The following FARS2 variants were observed in gnomAD, a reference collection of about 807,000 sequenced individuals.
FARS2 encodes phenylalanine--tRNA ligase, mitochondrial.
In FARS2, 40 loss-of-function variants were observed where a neutral mutation model predicts 46.4. The observed-to-expected ratio is 0.86, with a 90% CI of 0.67 to 1.12. The LOEUF (loss-of-function observed/expected upper bound fraction) is 1.12. Ranked by LOEUF, FARS2 falls within the 50% of genes most tolerant of loss-of-function variation. The probability of loss-of-function intolerance (pLI) is 0.00; values close to 1 mark genes in which losing one functional copy is unlikely to be tolerated. For missense variants in FARS2, 513 were observed against 567.9 expected, an observed-to-expected ratio of 0.90 and a Z score of 0.98; for synonymous variants, 234 against 214.9, an observed-to-expected ratio of 1.09 and a Z score of -0.78.
intron 1 of FARS2, among the ~76,000 whole-genome samples, chr6:5,275,660 C>G (rs1031456409): frequency 2.6e-5 from 4 of 152,084 alleles, no homozygotes; most frequent in African/African-American, 9.7e-5. Flanking sequence ...ATGAAGTGTT[C>G]AGCCACAGCA....
upstream of FARS2, among the ~76,000 whole-genome samples, chr6:5,259,101 C>G (rs1288330663): frequency 6.6e-6 from 1 of 152,180 alleles, no homozygotes; most frequent in African/African-American, 2.4e-5. Context: ...TCTTCGAGGG[C>G]TCCACCTTGA....
chr6:5,288,680 G>A (rs1767297681), intron 1 of FARS2, among the ~76,000 whole-genome samples: 1 of 152,124 alleles, frequency 6.6e-6, no homozygotes, highest in South Asian at 2.1e-4. Context: ...TGCGGACTGG[G>A]GACAAAATCC....
At chr6:5,345,582 T>C (rs1757177868) in intron 1 of FARS2, among the ~76,000 whole-genome samples, 2 of 152,236 alleles carry the variant, frequency 1.3e-5, no homozygotes, top group Admixed American at 1.3e-4. Context: ...CTGTTCAGAA[T>C]AGAACGGAGA....
chr6:5,385,390 G>A (rs4295527), intron 2 of FARS2, among the ~76,000 whole-genome samples: 60,170 of 151,662 alleles, frequency 0.4, 12,454 homozygotes, highest in East Asian at 0.55. Context: ...ATTTGGGGGA[G>A]ATGAAGGCTT....
chr6:5,680,196 G>A (rs901290540), intron 6 of FARS2, among the ~76,000 whole-genome samples: 5 of 152,208 alleles, frequency 3.3e-5, no homozygotes. Flanking sequence ...GCACTTGTGT[G>A]TGCTTGGACG....
chr6:5,455,259 C>T (rs1764777123), intron 4 of FARS2, among the ~76,000 whole-genome samples: 1 of 152,120 alleles, frequency 6.6e-6, no homozygotes, highest in Non-Finnish European at 1.5e-5. Flanking sequence ...TCCAAAAAGC[C>T]CCTCCAAAGA....
At chr6:5,432,792 C>A (rs1206817142) in intron 4 of FARS2, among the ~76,000 whole-genome samples, 1 of 151,886 alleles carries the variant, frequency 6.6e-6, no homozygotes, top group Non-Finnish European at 1.5e-5. Context: ...TGTGAATAGA[C>A]CATGGGTAAG....
At chr6:5,717,493 G>A (rs920387520) in intron 6 of FARS2, among the ~76,000 whole-genome samples, 15 of 151,904 alleles carry the variant, frequency 9.9e-5, no homozygotes. Context: ...AATTTTGCCA[G>A]TTGTATCCCC....
Position 5,345,054 on chromosome 6 carries a change from A to T in FARS2, c.-21-23496A>T, listed in dbSNP as rs781148527. On this transcript the variant is annotated intron_variant, in intron 1 of 6. Coordinates refer to ENST00000274680, the MANE Select transcript of FARS2 (RefSeq NM_006567.5). The stretch of plus-strand genomic sequence containing the variant: ...TGATCTGCCCACATTGGCCTCCCAA[A>T]GTGCTGGGATTACAGGCATGAGCCA... Among the ~76,000 whole-genome samples the T allele has an allele frequency of 3.0e-4, 45 of 151,912 alleles. 1 individual carries two copies. The highest frequency in any genetic ancestry group is 1.8e-4 in the Non-Finnish European group (12 of 67,964).
chr6:5,635,384 C>T (rs1426300644), intron 6 of FARS2, among the ~76,000 whole-genome samples: 1 of 152,032 alleles, frequency 6.6e-6, no homozygotes, highest in African/African-American at 2.4e-5. Context: ...AATAAAATTA[C>T]TTTCTTAAGG....
At chr6:5,475,309 G>A (rs1766058857) in intron 4 of FARS2, among the ~76,000 whole-genome samples, 1 of 152,194 alleles carries the variant, frequency 6.6e-6, no homozygotes, top group African/African-American at 2.4e-5. Context: ...GTGCAAGAAT[G>A]TGGGCGTAGT....
chr6:5,277,231 GATTA>G (rs1385378350), intron 1 of FARS2, among the ~76,000 whole-genome samples: 3 of 150,588 alleles, frequency 2.0e-5, no homozygotes, highest in Non-Finnish European at 3.0e-5. Flanking sequence ...TCTTTTCCCA[GATTA>G]ATTGTTACTT....
At position 5,575,188 on chromosome 6, in the gene FARS2, A is replaced by C. The variant is rs143326296; in HGVS notation, c.1065+29848A>C. On this transcript the variant is annotated intron_variant, in intron 5 of 6. Transcript: ENST00000274680. ...TTTAAACAGTGAAACCACCACCATA[A>C]AGCACAAAATTCCAAACAATGTGGC... Among the ~76,000 whole-genome samples the C allele has an allele frequency of 1.1e-4, 17 of 152,306 alleles. No individual in the cohort carries two copies. The East Asian group carries it at 2.7e-3, about 24-fold the overall frequency.
intron 1 of FARS2, among the ~76,000 whole-genome samples, chr6:5,297,456 T>C (rs905067384): frequency 6.6e-6 from 1 of 152,200 alleles, no homozygotes; most frequent in Non-Finnish European, 1.5e-5. Flanking sequence ...GAAACCAGCC[T>C]GGCCAACATG....
At chr6:5,392,723 AAT>A (rs1384289787) in intron 2 of FARS2, among the ~76,000 whole-genome samples, 112 of 132,518 alleles carry the variant, frequency 8.5e-4, no homozygotes, top group Admixed American at 2.1e-3. Flanking sequence ...CTTGCTCTAA[AAT>A]ATATATATAT....
At chr6:5,377,281 A>T (rs1335965937) in intron 2 of FARS2, among the ~76,000 whole-genome samples, 1 of 152,208 alleles carries the variant, frequency 6.6e-6, no homozygotes, top group Non-Finnish European at 1.5e-5. Context: ...CCAGATGCAC[A>T]CTTGTGTGTG....
At chr6:5,750,311 G>A (rs1241395220) in intron 6 of FARS2, among the ~76,000 whole-genome samples, 2 of 152,242 alleles carry the variant, frequency 1.3e-5, no homozygotes, top group Admixed American at 6.5e-5. Flanking sequence ...ACATGCCCTC[G>A]TGGGAGTGAT....
At position 5,287,283 on chromosome 6, in the gene FARS2, C is replaced by A. The variant is rs140268173; in HGVS notation, c.-22+25623C>A. Among the ~76,000 whole-genome samples, 1,435 of 152,266 alleles carry A rather than the reference C, an allele frequency of 9.4e-3. 7 individuals are homozygous for A. The highest frequency in any genetic ancestry group is 0.013 in the Non-Finnish European group (879 of 68,010). ...TGGGCTGTAGACATTTGCTGTGGAC[C>A]TTGTGTCAGAGGTGGCAGTGGTGCT... On this transcript the variant is annotated intron_variant, in intron 1 of 6. Transcript: ENST00000274680.
intron 4 of FARS2, among the ~76,000 whole-genome samples, chr6:5,515,458 T>A (rs1487952079): frequency 6.6e-6 from 1 of 152,188 alleles, no homozygotes; most frequent in Non-Finnish European, 1.5e-5. Context: ...AGACAGAGTC[T>A]CCCTCTGTCA....
Sources: allele counts gnomAD v4.1 joint callset (sites outside exome capture counted in the v4.1 genomes callset), GRCh38; gene constraint gnomAD v4.1.1; transcripts MANE v1.5; gene names NCBI Gene and HGNC (gene_info 2026-07-23, HGNC 2026-07-21).